Variants in ERBB4 observed in about 807,000 individuals in gnomAD.
The protein encoded by ERBB4 is erb-b2 receptor tyrosine kinase 4.
In ERBB4, 42 loss-of-function variants were observed where a neutral mutation model predicts 158.0. The observed-to-expected ratio is 0.27, with a 90% CI of 0.21 to 0.34. The LOEUF (loss-of-function observed/expected upper bound fraction) is 0.34. Ranked by LOEUF, ERBB4 falls within the 10% of genes least tolerant of loss-of-function variation. The probability of loss-of-function intolerance (pLI) is 1.00; values close to 1 mark genes in which losing one functional copy is unlikely to be tolerated. For missense variants in ERBB4, 1,333 were observed against 1,624.1 expected, an observed-to-expected ratio of 0.82 and a Z score of 3.08; for synonymous variants, 583 against 558.7, an observed-to-expected ratio of 1.04 and a Z score of -0.61.
intron 2 of ERBB4, 169 bp downstream of exon 2, chr2:212,124,583 T>G: frequency 1.4e-6 from 1 of 692,602 alleles, no homozygotes. Context: ...GCTTTGTTAC[T>G]CTTGTTCTTT....
intron 25 of ERBB4, among the ~76,000 whole-genome samples, chr2:211,402,789 A>AT (rs1458726800): frequency 6.6e-6 from 1 of 152,062 alleles, no homozygotes; most frequent in African/African-American, 2.4e-5. Flanking sequence ...AATAGTTATT[A>AT]TATTAAACTT....
intron 1 of ERBB4, among the ~76,000 whole-genome samples, chr2:212,172,745 C>A (rs2081556055): frequency 1.3e-5 from 2 of 151,708 alleles, no homozygotes; most frequent in African/African-American, 4.8e-5. Context: ...AACACATGGA[C>A]AAATGGGGGT....
At chr2:211,894,508 A>G (rs1391262336) in intron 3 of ERBB4, among the ~76,000 whole-genome samples, 1 of 151,090 alleles carries the variant, frequency 6.6e-6, no homozygotes, top group East Asian at 2.0e-4. Context: ...ACATGTATAC[A>G]TATGTAACTA....
chr2:212,191,572 GTGTTATGCCTGTTATATATAA>G, intron 1 of ERBB4, among the ~76,000 whole-genome samples: 1 of 30,044 alleles, frequency 3.3e-5, no homozygotes. Flanking sequence ...TATAACACAT[GTGTTATGCCTGTTATATATAA>G]CACATGTGTT....
At chr2:211,701,167 T>C (rs2073222314) in intron 12 of ERBB4, among the ~76,000 whole-genome samples, 1 of 152,198 alleles carries the variant, frequency 6.6e-6, no homozygotes, top group African/African-American at 2.4e-5. Flanking sequence ...CATAAATGCA[T>C]TAATAAAATA....
intron 1 of ERBB4, among the ~76,000 whole-genome samples, chr2:212,140,835 T>G (rs112386977): frequency 6.1e-5 from 9 of 146,720 alleles, no homozygotes; most frequent in African/African-American, 2.0e-4. Context: ...CTGAATAGAC[T>G]AGGAAACATG....
chr2:212,019,803 GA>G (rs1195507982), intron 2 of ERBB4, among the ~76,000 whole-genome samples: 2 of 140,888 alleles, frequency 1.4e-5, no homozygotes, highest in Non-Finnish European at 3.1e-5. Flanking sequence ...AAAAAAGAAA[GA>G]ATGGAAGGAA....
chr2:212,296,157 T>A (rs1211106567), intron 1 of ERBB4, among the ~76,000 whole-genome samples: 1 of 151,914 alleles, frequency 6.6e-6, no homozygotes, highest in Non-Finnish European at 1.5e-5. Flanking sequence ...AAATTTAATC[T>A]ATAATGATGT....
At chr2:211,548,526 A>G (rs1238607210) in intron 20 of ERBB4, among the ~76,000 whole-genome samples, 3 of 152,098 alleles carry the variant, frequency 2.0e-5, no homozygotes, top group Non-Finnish European at 4.4e-5. Flanking sequence ...GTAGTTATAG[A>G]ACCTAAATTA....
chr2:212,385,729 A>C (rs1188441664), intron 1 of ERBB4, among the ~76,000 whole-genome samples: 4 of 151,832 alleles, frequency 2.6e-5, no homozygotes, highest in Non-Finnish European at 4.4e-5. Flanking sequence ...AAAAACCTAT[A>C]ATATTCATAT....
At chr2:212,125,215 A>AT (rs34534545) in intron 1 of ERBB4, 456 of 210,114 alleles carry the variant, frequency 2.2e-3, no homozygotes, top group East Asian at 0.01. Flanking sequence ...TTATTTAAAC[A>AT]TTTTTTTTTT....
chr2:212,135,276 A>C (rs903150727), intron 1 of ERBB4, among the ~76,000 whole-genome samples: 2 of 152,280 alleles, frequency 1.3e-5, no homozygotes, highest in Non-Finnish European at 1.5e-5. Context: ...AAAACTAAAA[A>C]AACTGATGTA....
chr2:212,269,215 A>C (rs1235525321), intron 1 of ERBB4, among the ~76,000 whole-genome samples: 1 of 151,828 alleles, frequency 6.6e-6, no homozygotes, highest in Admixed American at 6.6e-5. Context: ...GCTGTGATTC[A>C]ATTGTACAGA....
At chr2:211,783,305 C>T (rs2076079691) in intron 4 of ERBB4, among the ~76,000 whole-genome samples, 1 of 152,212 alleles carries the variant, frequency 6.6e-6, no homozygotes. Context: ...ATAATCATGT[C>T]ATCTGCAAAC....
chr2:211,863,060 A>G (rs532778356), intron 3 of ERBB4, among the ~76,000 whole-genome samples: 1 of 152,190 alleles, frequency 6.6e-6, no homozygotes, highest in East Asian at 1.9e-4. Context: ...ACTCTGTAAA[A>G]ACGCACCAAT....
chr2:212,208,666 A>T (rs1258548876), intron 1 of ERBB4, among the ~76,000 whole-genome samples: 1 of 152,178 alleles, frequency 6.6e-6, no homozygotes, highest in Non-Finnish European at 1.5e-5. Flanking sequence ...TCAAAACATT[A>T]AGAAGACAAG....
rs563713235 is a variant in ERBB4, at chr2:212,345,134, C to T, written c.82+193315G>A. Among the ~76,000 whole-genome samples, 134 of 151,542 alleles carry T rather than the reference C, an allele frequency of 8.8e-4. 3 individuals carry two copies. The South Asian group carries it at 0.028, about 31-fold the overall frequency. The stretch of plus-strand genomic sequence containing the variant: ...CAAAAAAATTAGCTGGGCGTGATGG[C>T]GGGCGCCTGTAATCCCAGCTACTCG... On this transcript the variant is annotated intron_variant, in intron 1 of 27. Transcript: ENST00000342788.
At chr2:211,528,096 T>A (rs74639720) in intron 20 of ERBB4, among the ~76,000 whole-genome samples, 5,312 of 152,012 alleles carry the variant, frequency 0.035, 303 homozygotes, top group African/African-American at 0.12. Flanking sequence ...ACCAATGATC[T>A]CTTGCCTGCA....
chr2:212,375,605 A>AT (rs1188961634), intron 1 of ERBB4, among the ~76,000 whole-genome samples: 1 of 152,026 alleles, frequency 6.6e-6, no homozygotes, highest in Admixed American at 6.6e-5. Context: ...TGCAGCCTAT[A>AT]TTTTTTCTTA....
Sources: gnomAD v4.1 joint callset for allele counts (sites outside exome capture counted in the v4.1 genomes callset) on GRCh38, gnomAD v4.1.1 for gene constraint, MANE v1.5 for transcripts, NCBI Gene and HGNC (gene_info 2026-07-23, HGNC 2026-07-21) for gene names.